MTMR7: variants seen among roughly 807,000 people sequenced by gnomAD.
MTMR7 encodes the protein myotubularin related protein 7.
Under a neutral mutation model 81.2 loss-of-function variants are expected in MTMR7, and 76 were observed. That is an observed-to-expected ratio of 0.94 (90% CI 0.78 to 1.13). MTMR7 has a LOEUF of 1.13. Ranked by LOEUF, MTMR7 falls within the 50% of genes most tolerant of loss-of-function variation. MTMR7 has a pLI of 0.00. For missense variants in MTMR7, 1,044 were observed against 820.0 expected (o/e 1.27, Z -3.34); for synonymous variants, 372 against 289.8 (o/e 1.28, Z -2.88).
At chr8:17,322,724 G>A (rs1586183076) in intron 7 of MTMR7, among the ~76,000 whole-genome samples, 2 of 151,976 alleles carry the variant, frequency 1.3e-5, no homozygotes, top group South Asian at 4.2e-4. Context: ...ACTCAGGAGG[G>A]TGAGGCAGGA....
At chr8:17,328,259 C>A (rs1300449389) in intron 7 of MTMR7, among the ~76,000 whole-genome samples, 1 of 152,122 alleles carries the variant, frequency 6.6e-6, no homozygotes, top group Non-Finnish European at 1.5e-5. Flanking sequence ...ACACCCTCAA[C>A]AAGTGGAGAG....
intron 8 of MTMR7, 119 bp from the exon 9 acceptor site, chr8:17,311,755 G>A: frequency 1.2e-5 from 18 of 1,479,014 alleles, no homozygotes; most frequent in Non-Finnish European, 1.7e-5. Flanking sequence ...CGAAACACCT[G>A]TCCATTCGTC....
chr8:17,387,621 G>C (rs1820985371), intron 1 of MTMR7, among the ~76,000 whole-genome samples: 1 of 152,190 alleles, frequency 6.6e-6, no homozygotes, highest in South Asian at 2.1e-4. Context: ...TTCCCAATTT[G>C]ACAGAAAATT....
Position 17,397,890 on chromosome 8 carries a change from T to C in MTMR7, c.24+15379A>G, listed in dbSNP as rs1427334449. On this transcript the variant is annotated intron_variant, in intron 1 of 13. Transcript: ENST00000180173. ...TTCAGCAAAGAGAGAATACATTTGTTTGGGAGAAAATAAAGGAAGAGAAAA... is the reference window on the plus strand; with the variant it reads ...TTCAGCAAAGAGAGAATACATTTGTCTGGGAGAAAATAAAGGAAGAGAAAA... Among the ~76,000 whole-genome samples the C allele has an allele frequency of 3.3e-5, 5 of 152,126 alleles. No homozygotes were observed. In the East Asian group the frequency reaches 9.6e-4, roughly 29 times the overall value.
At chr8:17,395,333 G>A (rs1472147256) in intron 1 of MTMR7, among the ~76,000 whole-genome samples, 1 of 152,048 alleles carries the variant, frequency 6.6e-6, no homozygotes, top group South Asian at 2.1e-4. Context: ...TGGACTCTTG[G>A]ATTGTTCCCA....
At chr8:17,318,396 T>C (rs1422924230) in intron 7 of MTMR7, among the ~76,000 whole-genome samples, 1 of 152,058 alleles carries the variant, frequency 6.6e-6, no homozygotes. Flanking sequence ...TGATAATGGC[T>C]AGCAGGCAGA....
intron 1 of MTMR7, among the ~76,000 whole-genome samples, chr8:17,394,669 A>C (rs1035365635): frequency 2.6e-5 from 4 of 152,224 alleles, no homozygotes; most frequent in Non-Finnish European, 5.9e-5. Flanking sequence ...GTATACTTTT[A>C]AATGATGAAT....
At chr8:17,358,420 T>C (rs1819961136) in intron 4 of MTMR7, among the ~76,000 whole-genome samples, 1 of 152,170 alleles carries the variant, frequency 6.6e-6, no homozygotes, top group Admixed American at 6.5e-5. Flanking sequence ...ATGTTAGGAC[T>C]TAAGGAGAAA....
chr8:17,345,427 C>G (rs1292802178), intron 5 of MTMR7, among the ~76,000 whole-genome samples: 1 of 152,230 alleles, frequency 6.6e-6, no homozygotes, highest in Non-Finnish European at 1.5e-5. Context: ...CCTCTCACAG[C>G]CCCTGGCTGT....
At chr8:17,365,048 C>T (rs1488356613) in intron 3 of MTMR7, among the ~76,000 whole-genome samples, 1 of 152,206 alleles carries the variant, frequency 6.6e-6, no homozygotes, top group African/African-American at 2.4e-5. Context: ...CATAAGCATT[C>T]TCTTTCCTCC....
At chr8:17,382,091 A>C (rs921887681) in intron 1 of MTMR7, among the ~76,000 whole-genome samples, 1 of 152,220 alleles carries the variant, frequency 6.6e-6, no homozygotes, top group African/African-American at 2.4e-5. Context: ...CTCAATATTA[A>C]ATTTTCTGGA....
At chr8:17,407,142 AATACACACACT>A (rs761198880) in intron 1 of MTMR7, among the ~76,000 whole-genome samples, 89 of 152,286 alleles carry the variant, frequency 5.8e-4, no homozygotes, top group Non-Finnish European at 1.1e-3. Flanking sequence ...AAGCTATTGA[AATACACACACT>A]ATACACACAC....
intron 10 of MTMR7, among the ~76,000 whole-genome samples, chr8:17,308,286 A>T (rs1296740309): frequency 1.3e-5 from 2 of 152,050 alleles, no homozygotes; most frequent in Non-Finnish European, 2.9e-5. Flanking sequence ...TATCTTGGAG[A>T]TCCTAACTGC....
At chr8:17,316,963 CAGT>C (rs1401716209) in intron 7 of MTMR7, among the ~76,000 whole-genome samples, 1 of 152,164 alleles carries the variant, frequency 6.6e-6, no homozygotes. Context: ...ATGCTCTCAC[CAGT>C]AGGTTGGGAA....
chr8:17,380,788 A>G (rs927070323), intron 1 of MTMR7, among the ~76,000 whole-genome samples: 1 of 152,230 alleles, frequency 6.6e-6, no homozygotes, highest in South Asian at 2.1e-4. Flanking sequence ...TGTTTAGCAT[A>G]GACAGTTAAT....
chr8:17,398,574 G>A (rs975744355), intron 1 of MTMR7, among the ~76,000 whole-genome samples: 4 of 152,116 alleles, frequency 2.6e-5, no homozygotes, highest in African/African-American at 7.2e-5. Flanking sequence ...CCTCAAACGG[G>A]CAAATCTAAG....
intron 1 of MTMR7, among the ~76,000 whole-genome samples, chr8:17,410,849 T>C (rs926518017): frequency 6.6e-6 from 1 of 152,216 alleles, no homozygotes; most frequent in Non-Finnish European, 1.5e-5. Context: ...TATACATGCA[T>C]ACAATTCTTT....
In MTMR7 at chr8:17,357,046, A is replaced by G. The variant is rs553335426; in HGVS notation, c.468+4071T>C. On this transcript the variant is annotated intron_variant, in intron 4 of 13. Transcript: ENST00000180173. ...CCACTTAACAGCTTTATTCATGACA[A>G]CAAAACACAACCAACAAAAGAAAAA... Among the ~76,000 whole-genome samples the G allele has an allele frequency of 2.6e-5, 4 of 152,316 alleles. 1 individual carries two copies. In the South Asian group the frequency reaches 8.3e-4, roughly 32 times the overall value.
intron 13 of MTMR7, among the ~76,000 whole-genome samples, chr8:17,301,283 G>C (rs1817092454): frequency 6.6e-6 from 1 of 152,218 alleles, no homozygotes; most frequent in African/African-American, 2.4e-5. Flanking sequence ...AGTTCTTGAA[G>C]AGGGATGAAG....
Sources: gnomAD v4.1 joint callset for allele counts (sites outside exome capture counted in the v4.1 genomes callset) on GRCh38, gnomAD v4.1.1 for gene constraint, MANE v1.5 for transcripts, NCBI Gene and HGNC (gene_info 2026-07-23, HGNC 2026-07-21) for gene names.